The following ERG variants were observed in gnomAD, a reference collection of about 807,000 sequenced individuals.
ERG encodes the protein transcriptional regulator ERG.
Under a neutral mutation model 55.3 loss-of-function variants are expected in ERG, and 9 were observed. That is an observed-to-expected ratio of 0.16 (90% CI 0.10 to 0.28). The LOEUF (loss-of-function observed/expected upper bound fraction) is 0.28, where lower values mean the gene tolerates loss of function less well. Ranked by LOEUF, ERG falls within the 10% of genes least tolerant of loss-of-function variation. ERG has a pLI of 1.00. For synonymous variants in ERG, 223 were observed against 237.3 expected (o/e 0.94, Z 0.55); for missense variants, 434 against 631.6 (o/e 0.69, Z 3.35).
chr21:38,413,023 G>A (rs1257456092), intron 3 of ERG, among the ~76,000 whole-genome samples: 1 of 152,188 alleles, frequency 6.6e-6, no homozygotes, highest in Non-Finnish European at 1.5e-5. Flanking sequence ...TTGTGTGTAT[G>A]GGGTGGGGAC....
intron 2 of ERG, among the ~76,000 whole-genome samples, chr21:38,434,027 G>A (rs1352488208): frequency 6.6e-6 from 1 of 152,058 alleles, no homozygotes; most frequent in Non-Finnish European, 1.5e-5. Context: ...TGCTACCAGA[G>A]TGCTCTCCCC....
chr21:38,430,762 A>G (rs1990165826), intron 2 of ERG, among the ~76,000 whole-genome samples: 2 of 152,190 alleles, frequency 1.3e-5, no homozygotes, highest in Non-Finnish European at 2.9e-5. Context: ...CCTTGGGGCC[A>G]CACAGCCTCA....
intron 1 of ERG, among the ~76,000 whole-genome samples, chr21:38,455,121 T>A (rs1022598657): frequency 6.2e-5 from 1 of 16,192 alleles, no homozygotes; most frequent in Non-Finnish European, 1.5e-4. Context: ...TTTCTTTCTT[T>A]TTTTTTTTTT....
chr21:38,577,173 G>T (rs994492006), intron 1 of ERG, among the ~76,000 whole-genome samples: 1 of 152,126 alleles, frequency 6.6e-6, no homozygotes, highest in Non-Finnish European at 1.5e-5. Context: ...GCGCATTACT[G>T]TAGTGACAAG....
At chr21:38,577,298 AT>A (rs1230554022) in intron 1 of ERG, among the ~76,000 whole-genome samples, 2 of 152,248 alleles carry the variant, frequency 1.3e-5, no homozygotes, top group East Asian at 3.9e-4. Flanking sequence ...CTACCTCCAG[AT>A]CTGCATGCTC....
chr21:38,533,664 T>C (rs1279488278), intron 2 of ERG, among the ~76,000 whole-genome samples: 1 of 152,248 alleles, frequency 6.6e-6, no homozygotes, highest in Non-Finnish European at 1.5e-5. Context: ...GGGTATATCA[T>C]GTGTTTTTCA....
At chr21:38,373,058 A>C in the ERG span, among the ~76,000 whole-genome samples, 3 of 152,148 alleles carry the variant, frequency 2.0e-5, no homozygotes, top group Non-Finnish European at 4.4e-5. Flanking sequence ...CTTTGCTCCA[A>C]ACCCTATAGG....
chr21:38,511,475 T>C (rs952543344), intron 2 of ERG, among the ~76,000 whole-genome samples: 2 of 152,138 alleles, frequency 1.3e-5, no homozygotes, highest in Non-Finnish European at 2.9e-5. Flanking sequence ...ACTGCACATA[T>C]GTAGGGATAA....
At chr21:38,594,675 T>TTGAATAGCAGAACCCA (rs1317056277) in intron 1 of ERG, among the ~76,000 whole-genome samples, 1 of 152,162 alleles carries the variant, frequency 6.6e-6, no homozygotes, top group African/African-American at 2.4e-5. Flanking sequence ...CATTTCAGCC[T>TTGAATAGCAGAACCCA]TGAATAGCAG....
At chr21:38,483,891 AC>A (rs2059260339) in intron 1 of ERG, among the ~76,000 whole-genome samples, 2 of 152,106 alleles carry the variant, frequency 1.3e-5, no homozygotes, top group Non-Finnish European at 2.9e-5. Flanking sequence ...TTTTTAAAAA[AC>A]AGCAATTCTT....
intron 1 of ERG, among the ~76,000 whole-genome samples, chr21:38,629,049 T>A (rs927832232): frequency 2.6e-5 from 4 of 152,194 alleles, no homozygotes; most frequent in African/African-American, 9.6e-5. Flanking sequence ...TACAATTCAA[T>A]AGCAGAGTTT....
At position 38,628,846 on chromosome 21, in the gene ERG, T is replaced by C. The variant is rs1447456315; in HGVS notation, c.-150+32812A>G. ...TTTCTCATTAAACCATCCCTGTTCA[T>C]GAGATCTGCATTAAAACTTTTTTCT... On this transcript the variant is annotated intron_variant, in intron 1 of 10. Transcript: ENST00000398910. Among the ~76,000 whole-genome samples, 5 of 152,352 alleles carry C rather than the reference T, an allele frequency of 3.3e-5. No homozygotes were observed. In the South Asian group the frequency reaches 1.0e-3, roughly 32 times the overall value.
chr21:38,402,530 G>A, intron 5 of ERG, 27 bp downstream of exon 5: 1 of 1,582,394 alleles, frequency 6.3e-7, no homozygotes, highest in Non-Finnish European at 8.7e-7. Flanking sequence ...CGCTCTTGCT[G>A]GGAGGCAGGG....
chr21:38,464,640 C>T (rs368034694), intron 1 of ERG, among the ~76,000 whole-genome samples: 128 of 151,910 alleles, frequency 8.4e-4, no homozygotes, highest in African/African-American at 3.0e-3. Flanking sequence ...TAGTTATATA[C>T]GTGCCATGGT....
At chr21:38,602,056 C>T (rs2060167540) in intron 1 of ERG, among the ~76,000 whole-genome samples, 1 of 152,114 alleles carries the variant, frequency 6.6e-6, no homozygotes. Flanking sequence ...GTGCTTTTTA[C>T]CTGCTCTTTG....
In ERG at chr21:38,400,569, C is replaced by G. The variant is rs771721355; in HGVS notation, c.745+5G>C. ...TGAAGAGATCACACAGGGGTGTTTT[C>G]GTACCTGGCCTAGTTGTAATTCTTT... On this transcript the variant is annotated splice_donor_5th_base_variant and intron_variant, in intron 6 of 9. Coordinates refer to ENST00000288319, the MANE Select transcript of ERG (RefSeq NM_182918.4). The G allele has an allele frequency of 6.2e-7, 1 of 1,611,472 alleles. No individual in the cohort carries two copies. Among genetic ancestry groups the G allele is most frequent in the Non-Finnish European group, 8.5e-7 (1 of 1,177,672 alleles).
At chr21:38,426,070 G>A (rs1297865318) in intron 2 of ERG, among the ~76,000 whole-genome samples, 11 of 152,212 alleles carry the variant, frequency 7.2e-5, no homozygotes, top group Non-Finnish European at 1.6e-4. Context: ...TCAGGGTCAC[G>A]CAGGACTCAG....
intron 2 of ERG, among the ~76,000 whole-genome samples, chr21:38,511,179 T>C (rs926618162): frequency 1.3e-5 from 2 of 152,214 alleles, no homozygotes; most frequent in Non-Finnish European, 2.9e-5. Context: ...TCAATAGATA[T>C]AGGAATGATT....
At chr21:38,474,917 A>G (rs2059173809) in intron 1 of ERG, among the ~76,000 whole-genome samples, 1 of 152,172 alleles carries the variant, frequency 6.6e-6, no homozygotes, top group Non-Finnish European at 1.5e-5. Context: ...ACATTTAATA[A>G]CGTGATCACA....
Sources: gnomAD v4.1 joint callset for allele counts (sites outside exome capture counted in the v4.1 genomes callset) on GRCh38, gnomAD v4.1.1 for gene constraint, MANE v1.5 for transcripts, NCBI Gene and HGNC (gene_info 2026-07-23, HGNC 2026-07-21) for gene names.